Variants in CCDC88C observed in about 807,000 individuals in gnomAD.
CCDC88C encodes protein Daple.
CCDC88C carries 131 observed loss-of-function variants against 198.8 expected under a neutral mutation model. That is an observed-to-expected ratio of 0.66 (90% CI 0.57 to 0.76). The LOEUF is 0.76. CCDC88C is among the 30% of genes least tolerant of loss of function. The pLI is 0.00. For synonymous variants in CCDC88C, 1,166 were observed against 1,114.7 expected (o/e 1.05, Z -0.92); for missense variants, 2,553 against 2,631.6 (o/e 0.97, Z 0.65).
intron 22 of CCDC88C, among the ~76,000 whole-genome samples, chr14:91,294,594 G>A (rs1008762694): frequency 1.9e-4 from 29 of 152,216 alleles, no homozygotes; most frequent in African/African-American, 5.8e-4. Context: ...TGCAAAATAC[G>A]CAGCAGATTT....
chr14:91,308,712 C>A lies in CCDC88C; in HGVS notation c.2865-220G>T, dbSNP rs182598477. On this transcript the variant is annotated intron_variant, in intron 16 of 29. Coordinates refer to ENST00000389857, the MANE Select transcript of CCDC88C (RefSeq NM_001080414.4). The stretch of plus-strand genomic sequence containing the variant: ...TGTGAAACCTTCAAAGGCGACACCA[C>A]GGCTACAGTTTTACAGTCACTGTCT... Among the ~76,000 whole-genome samples, 53 of 152,278 alleles carry A rather than the reference C, an allele frequency of 3.5e-4. No homozygotes were observed. The East Asian group carries it at 8.9e-3, about 26-fold the overall frequency.
intron 3 of CCDC88C, among the ~76,000 whole-genome samples, chr14:91,361,054 C>T (rs1346834456): frequency 6.6e-6 from 1 of 151,434 alleles, no homozygotes; most frequent in Admixed American, 6.6e-5. Flanking sequence ...TTGCTTGAGC[C>T]CAGGAGTTCC....
intron 29 of CCDC88C, among the ~76,000 whole-genome samples, chr14:91,274,610 G>A (rs1432312764): frequency 6.6e-6 from 1 of 152,232 alleles, no homozygotes; most frequent in Non-Finnish European, 1.5e-5. Context: ...TCTGGACATG[G>A]TGCCACTGGA....
intron 10 of CCDC88C, among the ~76,000 whole-genome samples, chr14:91,330,945 T>C (rs1784081726): frequency 1.3e-5 from 2 of 151,606 alleles, no homozygotes; most frequent in Non-Finnish European, 2.9e-5. Flanking sequence ...ATGAGGGCCC[T>C]GATACTGAGG....
At chr14:91,294,393 GGAA>G (rs1476499119) in intron 22 of CCDC88C, 75 bp from the exon 23 acceptor site, 2 of 1,532,246 alleles carry the variant, frequency 1.3e-6, no homozygotes, top group Non-Finnish European at 1.8e-6. Context: ...AGCTCCCAAA[GGAA>G]GAAGGCCACT....
At chr14:91,407,406 G>T (rs1886557140) in intron 3 of CCDC88C, among the ~76,000 whole-genome samples, 1 of 152,198 alleles carries the variant, frequency 6.6e-6, no homozygotes, top group Non-Finnish European at 1.5e-5. Context: ...CCAGAACCAA[G>T]ACTAAGTTAC....
chr14:91,366,783 T>A (rs1471936111), intron 3 of CCDC88C, among the ~76,000 whole-genome samples: 1 of 152,196 alleles, frequency 6.6e-6, no homozygotes, highest in East Asian at 1.9e-4. Context: ...AGGCTGACTC[T>A]CAGGGTATAA....
intron 4 of CCDC88C, among the ~76,000 whole-genome samples, chr14:91,357,203 A>C (rs896625788): frequency 3.3e-5 from 5 of 152,162 alleles, no homozygotes; most frequent in African/African-American, 1.2e-4. Context: ...TATAAACGGA[A>C]ATGGGCGCAG....
chr14:91,348,940 G>A (rs1893668373), intron 4 of CCDC88C, among the ~76,000 whole-genome samples: 1 of 152,040 alleles, frequency 6.6e-6, no homozygotes, highest in South Asian at 2.1e-4. Flanking sequence ...TTTTTAAAAA[G>A]CGCCCAGGGC....
intron 20 of CCDC88C, among the ~76,000 whole-genome samples, chr14:91,301,561 A>G (rs1891284565): frequency 6.6e-6 from 1 of 152,226 alleles, no homozygotes; most frequent in Non-Finnish European, 1.5e-5. Context: ...ACTAAAAAAT[A>G]CAAAAATTAG....
intron 2 of CCDC88C, among the ~76,000 whole-genome samples, chr14:91,414,445 T>C (rs1886942594): frequency 6.6e-6 from 1 of 152,146 alleles, no homozygotes; most frequent in African/African-American, 2.4e-5. Flanking sequence ...TAATTTTACA[T>C]AGCATGAAAT....
At chr14:91,314,330 A>T (rs1446985399) in intron 14 of CCDC88C, among the ~76,000 whole-genome samples, 180 bp from the exon 15 acceptor site, 3 of 152,096 alleles carry the variant, frequency 2.0e-5, no homozygotes, top group African/African-American at 7.2e-5. Flanking sequence ...AGACACCACC[A>T]CTTAGATGGT....
At chr14:91,348,762 A>G (rs893419344) in intron 4 of CCDC88C, among the ~76,000 whole-genome samples, 5 of 152,190 alleles carry the variant, frequency 3.3e-5, no homozygotes, top group Non-Finnish European at 7.4e-5. Context: ...ATATTCATGA[A>G]AAAAATAAAC....
chr14:91,328,490 G>A (rs958143364), intron 10 of CCDC88C, among the ~76,000 whole-genome samples: 1 of 152,130 alleles, frequency 6.6e-6, no homozygotes, highest in Non-Finnish European at 1.5e-5. Context: ...AGTGACCTAG[G>A]AGGCTATTTA....
At chr14:91,283,594 AAGCAGGGC>A (rs903511128) in intron 25 of CCDC88C, 77 bp from the exon 26 acceptor site, 5 of 1,398,544 alleles carry the variant, frequency 3.6e-6, no homozygotes, top group African/African-American at 1.4e-5. Context: ...CATGGCCTAG[AAGCAGGGC>A]AGCAGGGCAT....
chr14:91,281,470 G>A lies in CCDC88C; in HGVS notation c.4686C>T (p.Asn1562=), dbSNP rs181936724. The change falls in exon 27 of 30, where the codon AAC becomes AAT. Residue 1562 remains asparagine (N), a synonymous_variant. Transcript: ENST00000389857. ...CTCCCTACTCACCGTACTGCCTGTGGTTGGGGACCTCAAACTCCAGGGATG... is the reference window on the plus strand; with the variant it reads ...CTCCCTACTCACCGTACTGCCTGTGATTGGGGACCTCAAACTCCAGGGATG... ...CEPSLEFEVP[N]HRQYVSRPSS... is the part of the protein sequence containing the mutation. 40 of 1,613,936 alleles carry A rather than the reference G, an allele frequency of 2.5e-5. No individual in the cohort carries two copies. In the Admixed American group the frequency reaches 6.5e-4, roughly 26 times the overall value.
intron 10 of CCDC88C, among the ~76,000 whole-genome samples, chr14:91,329,846 T>C: frequency 6.6e-6 from 1 of 152,194 alleles, no homozygotes; most frequent in East Asian, 1.9e-4. Context: ...TACCACTCAC[T>C]GAAAGACCCG....
intron 19 of CCDC88C, 96 bp from the exon 20 acceptor site, chr14:91,304,074 C>T (rs1596047233): frequency 7.0e-7 from 1 of 1,436,896 alleles, no homozygotes; most frequent in Non-Finnish European, 9.5e-7. Flanking sequence ...CGAAAATAGC[C>T]GGGACCCTCA....
intron 19 of CCDC88C, among the ~76,000 whole-genome samples, chr14:91,304,885 CCAAA>C (rs1269183907): frequency 5.9e-5 from 9 of 152,270 alleles, no homozygotes; most frequent in Admixed American, 1.3e-4. Flanking sequence ...GATTTCTTTG[CCAAA>C]CAGTTTCCTG....
Sources: gnomAD v4.1 joint callset for allele counts (sites outside exome capture counted in the v4.1 genomes callset) on GRCh38, gnomAD v4.1.1 for gene constraint, MANE v1.5 for transcripts, NCBI Gene and HGNC (gene_info 2026-07-23, HGNC 2026-07-21) for gene names.